The following RERE variants were observed in gnomAD, a reference collection of about 807,000 sequenced individuals.
The protein encoded by RERE is arginine-glutamic acid dipeptide repeats protein.
In RERE, 40 loss-of-function variants were observed where a neutral mutation model predicts 146.1. The observed-to-expected ratio is 0.27, with a 90% CI of 0.21 to 0.36. The LOEUF is 0.36. Among genes scored for constraint, RERE ranks in the 10% least tolerant of loss-of-function variants. The pLI is 1.00. For missense variants in RERE, 1,933 were observed against 2,138.7 expected (o/e 0.90, Z 1.90); for synonymous variants, 1,003 against 866.0 (o/e 1.16, Z -2.78).
intron 2 of RERE, among the ~76,000 whole-genome samples, chr1:8,643,303 T>C (rs1647205765): frequency 6.6e-6 from 1 of 152,356 alleles, no homozygotes; most frequent in East Asian, 1.9e-4. Flanking sequence ...CCTTTCAACA[T>C]GTTTTTGCTC....
At chr1:8,524,203 A>G (rs1444327005) in intron 7 of RERE, among the ~76,000 whole-genome samples, 1 of 152,224 alleles carries the variant, frequency 6.6e-6, no homozygotes, top group Non-Finnish European at 1.5e-5. Context: ...GCCCAAATAA[A>G]TATGGTCACA....
At chr1:8,373,869 C>T (rs2124394139) in intron 12 of RERE, among the ~76,000 whole-genome samples, 1 of 152,334 alleles carries the variant, frequency 6.6e-6, no homozygotes, top group East Asian at 1.9e-4. Flanking sequence ...AGATCTTTTT[C>T]CAGGAGGCAA....
intron 4 of RERE, among the ~76,000 whole-genome samples, chr1:8,579,004 T>C (rs12030116): frequency 1.3e-5 from 2 of 152,224 alleles, no homozygotes; most frequent in Non-Finnish European, 2.9e-5. Context: ...GATCTATTAA[T>C]TTCCCAGTTT....
intron 4 of RERE, among the ~76,000 whole-genome samples, chr1:8,565,538 C>G (rs1056334347): frequency 6.6e-6 from 1 of 152,206 alleles, no homozygotes; most frequent in South Asian, 2.1e-4. Context: ...GAAACCCTGT[C>G]TCTACTAAAA....
chr1:8,747,016 CT>C, intron 1 of RERE, among the ~76,000 whole-genome samples: 1 of 151,520 alleles, frequency 6.6e-6, no homozygotes, highest in African/African-American at 2.4e-5. Context: ...ACTTAACTTT[CT>C]TTTTTGTTTT....
At chr1:8,401,039 ATATAT>A (rs1643244043) in intron 12 of RERE, among the ~76,000 whole-genome samples, 1 of 7,806 alleles carries the variant, frequency 1.3e-4, no homozygotes, top group Non-Finnish European at 2.7e-4. Flanking sequence ...AAAAAAAACC[ATATAT>A]ATATATATAT....
At chr1:8,721,074 T>C (rs1639855428) in intron 1 of RERE, among the ~76,000 whole-genome samples, 1 of 152,004 alleles carries the variant, frequency 6.6e-6, no homozygotes, top group Non-Finnish European at 1.5e-5. Context: ...GTTGTTTTAG[T>C]ATTTCTCAGG....
intron 4 of RERE, among the ~76,000 whole-genome samples, chr1:8,600,621 C>T (rs2124135664): frequency 6.6e-6 from 1 of 152,196 alleles, no homozygotes; most frequent in African/African-American, 2.4e-5. Context: ...AGAAAGTCCC[C>T]CACCTTCCAG....
chr1:8,502,040 G>A (rs1190263997), intron 8 of RERE, among the ~76,000 whole-genome samples: 24 of 113,400 alleles, frequency 2.1e-4, no homozygotes, highest in African/African-American at 7.8e-4. Context: ...GAGGTGGGGG[G>A]GGTCAGCCCC....
At chr1:8,604,157 A>G (rs1646669538) in intron 4 of RERE, among the ~76,000 whole-genome samples, 1 of 152,182 alleles carries the variant, frequency 6.6e-6, no homozygotes, top group African/African-American at 2.4e-5. Context: ...ATGTGAAGAC[A>G]GTGGGACTCT....
At chr1:8,529,546 C>T (rs1280992565) in intron 7 of RERE, among the ~76,000 whole-genome samples, 6 of 151,878 alleles carry the variant, frequency 4.0e-5, no homozygotes, top group Non-Finnish European at 8.8e-5. Flanking sequence ...GTGATCCTCC[C>T]GCCTCGGCCT....
intron 1 of RERE, among the ~76,000 whole-genome samples, chr1:8,727,625 C>G (rs532970782): frequency 6.6e-6 from 1 of 152,312 alleles, no homozygotes; most frequent in South Asian, 2.1e-4. Context: ...TCCCAAGTAA[C>G]TGGGACTACA....
chr1:8,809,591 T>C (rs1006845479), intron 1 of RERE, among the ~76,000 whole-genome samples: 2 of 152,232 alleles, frequency 1.3e-5, no homozygotes, highest in Non-Finnish European at 2.9e-5. Context: ...TACATTTGTA[T>C]AGTATGCCAC....
At chr1:8,608,920 T>C (rs966238143) in intron 4 of RERE, among the ~76,000 whole-genome samples, 1 of 151,890 alleles carries the variant, frequency 6.6e-6, no homozygotes, top group African/African-American at 2.4e-5. Flanking sequence ...CTGTCTCTAC[T>C]AAAAATACAA....
In RERE at chr1:8,364,375, C is replaced by T; in HGVS notation, c.1541-120G>A. 1.1e-6 allele frequency: 1 copy of T among 877,946 alleles called. No individual in the cohort carries two copies. The highest frequency in any genetic ancestry group is 2.5e-5 in the East Asian group (1 of 39,988). The allele number at this position is 877,946 out of a possible 1,614,324, so 54.4% of individuals were successfully genotyped here. On this transcript the variant is annotated intron_variant, in intron 14 of 22. Coordinates refer to ENST00000400908, the MANE Select transcript of RERE (RefSeq NM_001042681.2). This position sits in a 1 kb window ranked among gnomAD's most constrained non-coding sequence, Gnocchi z 5.1. Reference sequence around the variant, plus strand: ...CCTGATGCCACCAGCACCATGCAGCCCTGGGCCCCAACACCCCAGGGCTAG... The same window carrying T: ...CCTGATGCCACCAGCACCATGCAGCTCTGGGCCCCAACACCCCAGGGCTAG...
Position 8,358,606 on chromosome 1 carries a change from C to T in RERE, c.3929G>A (p.Arg1310Gln), listed in dbSNP as rs144293725. 14 of 1,598,246 alleles carry T rather than the reference C, an allele frequency of 8.8e-6. No homozygotes were observed. Among genetic ancestry groups the T allele is most frequent in the South Asian group, 3.4e-5 (3 of 88,000 alleles). ...CTCCCGCTCTCGGATCTCCCGCTCT[C>T]GGATCTCCCGCTCCCGGAGCTCCCG... ...RERELREREI[R>Q]EREIRERELR... The change falls in exon 20 of 23, where the codon CGA becomes CAA. Residue 1310 changes from arginine to glutamine, a missense_variant. By Grantham distance (43) the Arg-to-Gln change is conservative (BLOSUM62 1). Around this residue, in one of 11 missense-constraint regions of RERE, gnomAD observed 1,255 missense variants for 1,153.8 expected, o/e 1.09. Transcript: ENST00000400908.
At chr1:8,520,401 T>C (rs944070662) in intron 7 of RERE, among the ~76,000 whole-genome samples, 22 of 152,146 alleles carry the variant, frequency 1.4e-4, no homozygotes, top group Admixed American at 1.0e-3. Context: ...AAATTTGGCA[T>C]TGCCTGAAGA....
intron 12 of RERE, among the ~76,000 whole-genome samples, chr1:8,394,170 G>T (rs942222809): frequency 7.2e-5 from 11 of 152,146 alleles, no homozygotes; most frequent in Non-Finnish European, 1.5e-4. Flanking sequence ...AATGCAGGTG[G>T]CTCTAACTGC....
At chr1:8,391,161 G>A (rs1642872122) in intron 12 of RERE, among the ~76,000 whole-genome samples, 1 of 152,104 alleles carries the variant, frequency 6.6e-6, no homozygotes, top group African/African-American at 2.4e-5. Context: ...TTATCAACTT[G>A]TCACATTCTC....
Sources: gnomAD v4.1 joint callset for allele counts (sites outside exome capture counted in the v4.1 genomes callset) on GRCh38, gnomAD v4.1.1 for gene constraint, gnomAD v4.1.1 regional missense constraint, Gnocchi (gnomAD v3.1) non-coding constraint, MANE v1.5 for transcripts, NCBI Gene and HGNC (gene_info 2026-07-23, HGNC 2026-07-21) for gene names.